NAALAD2: variants seen among roughly 807,000 people sequenced by gnomAD.
NAALAD2 encodes the protein N-acetylated-alpha-linked acidic dipeptidase 2.
NAALAD2 carries 89 observed loss-of-function variants against 95.6 expected under a neutral mutation model. That is an observed-to-expected ratio of 0.93 (90% CI 0.78 to 1.11). The LOEUF (loss-of-function observed/expected upper bound fraction) is 1.11. Among genes scored for constraint, NAALAD2 ranks in the 50% least tolerant of loss-of-function variants. NAALAD2 has a pLI of 0.00. For synonymous variants in NAALAD2, 264 were observed against 294.4 expected, an observed-to-expected ratio of 0.90 and a Z score of 1.06; for missense variants, 894 against 872.4, an observed-to-expected ratio of 1.02 and a Z score of -0.31.
rs1215362951 is a variant in NAALAD2, at chr11:90,150,588, A to AAATCTTCAG, written c.592_600dup (p.Ile198_Arg200dup). 7 of 1,595,308 alleles carry AAATCTTCAG rather than the reference A, an allele frequency of 4.4e-6. No individual in the cohort carries two copies. Among genetic ancestry groups the AAATCTTCAG allele is most frequent in the African/African-American group, 1.3e-5 (1 of 74,364 alleles). Reference sequence around the variant, plus strand: ...AAGATTGTTATTGCAAGATATGGAAAAATCTTCAGAGGAAATAAAGTACAG... The same window carrying AAATCTTCAG: ...AAGATTGTTATTGCAAGATATGGAAAAATCTTCAGAATCTTCAGAGGAAATAAAGTACAG... On this transcript the variant is annotated inframe_insertion, in exon 5 of 19. Coordinates refer to ENST00000534061, the MANE Select transcript of NAALAD2 (RefSeq NM_005467.4).
In NAALAD2 at chr11:90,163,618, G is replaced by A; in HGVS notation, c.1278+1G>A. 1 of 1,613,808 alleles carries A rather than the reference G, an allele frequency of 6.2e-7. No homozygotes were observed. Among genetic ancestry groups the A allele is most frequent in the Non-Finnish European group, 8.5e-7 (1 of 1,179,746 alleles). On this transcript the variant is annotated splice_donor_variant, in intron 11 of 18. Transcript: ENST00000534061. LOFTEE classifies it high-confidence loss of function. Reference sequence around the variant, plus strand: ...TCTGGGTTCCACAGAATGGGCTGAGGTAAATAAGACAAAGAAGGTTCTTAT... The same window carrying A: ...TCTGGGTTCCACAGAATGGGCTGAGATAAATAAGACAAAGAAGGTTCTTAT...
chr11:90,174,515 AT>A (rs1193523474), intron 14 of NAALAD2, among the ~76,000 whole-genome samples: 2 of 152,086 alleles, frequency 1.3e-5, no homozygotes, highest in Non-Finnish European at 2.9e-5. Context: ...TTACATATGT[AT>A]TAGGTGTATT....
intron 7 of NAALAD2, 81 bp from the exon 8 acceptor site, chr11:90,159,158 G>C: frequency 9.4e-7 from 1 of 1,060,386 alleles, no homozygotes; most frequent in Non-Finnish European, 1.5e-6. Flanking sequence ...ATATATGAAT[G>C]AAATATTGTC....
At chr11:90,152,606 T>C (rs1951919770) in intron 6 of NAALAD2, 122 bp downstream of exon 6, 2 of 640,474 alleles carry the variant, frequency 3.1e-6, no homozygotes, top group Non-Finnish European at 4.9e-6. Context: ...TATATCATTT[T>C]GGATTACTGC....
rs372095839 is a variant in NAALAD2 at position 90,191,894 on chromosome 11, C to CTTT, written c.*155_*157dup. 11 of 437,246 alleles carry CTTT rather than the reference C, an allele frequency of 2.5e-5. No individual in the cohort carries two copies. Among genetic ancestry groups the CTTT allele is most frequent in the Admixed American group, 9.3e-5 (2 of 21,414 alleles). 27.1% of individuals were successfully genotyped at this position (437,246 alleles called of 1,614,324 possible). ...GCTTTGGTCTTTTCATCTGCAAAGC[C>CTTT]TTTTTTTTTTGCTCTTTAAAAGTTA... On this transcript the variant is annotated 3_prime_UTR_variant, in exon 19 of 19. Transcript: ENST00000534061.
In NAALAD2 at chr11:90,155,722, A is replaced by AATAC. The variant is rs1407691085; in HGVS notation, c.797-2411_797-2408dup. 2.4e-4 allele frequency among the ~76,000 whole-genome samples: 12 copies of AATAC among 49,192 alleles called. 1 individual carries two copies. The highest frequency in any genetic ancestry group is 3.5e-4 in the Non-Finnish European group (10 of 28,980). 32.3% of individuals were successfully genotyped at this position (49,192 alleles called of 152,430 possible). ...GTATGTATTATTATTGTATGTATGT[A>AATAC]ATACATACATACATATGTATGTATT... On this transcript the variant is annotated intron_variant, in intron 6 of 18. Coordinates refer to ENST00000534061, the MANE Select transcript of NAALAD2 (RefSeq NM_005467.4).
At chr11:90,173,184 T>C (rs1396572404) in intron 13 of NAALAD2, among the ~76,000 whole-genome samples, 1 of 152,040 alleles carries the variant, frequency 6.6e-6, no homozygotes, top group Non-Finnish European at 1.5e-5. Context: ...AATGTATATA[T>C]ATACACACAC....
At chr11:90,149,526 C>T (rs975330645) in intron 4 of NAALAD2, among the ~76,000 whole-genome samples, 4 of 152,146 alleles carry the variant, frequency 2.6e-5, no homozygotes, top group Non-Finnish European at 4.4e-5. Context: ...CCTCTGCCTC[C>T]GAGGTTCAAG....
chr11:90,165,144 A>G (rs967934885), intron 11 of NAALAD2, among the ~76,000 whole-genome samples: 1 of 152,224 alleles, frequency 6.6e-6, no homozygotes, highest in African/African-American at 2.4e-5. Flanking sequence ...TGCAAACAAC[A>G]TAGTCTCATC....
At chr11:90,150,207 G>A (rs1407298057) in intron 4 of NAALAD2, among the ~76,000 whole-genome samples, 2 of 151,148 alleles carry the variant, frequency 1.3e-5, no homozygotes, top group Non-Finnish European at 2.9e-5. Flanking sequence ...GTGAGCCGAG[G>A]GAGTGCTACT....
In NAALAD2 at chr11:90,170,060, A is replaced by G. The variant is rs766931106; in HGVS notation, c.1343-9A>G. 4 of 1,518,540 alleles carry G rather than the reference A, an allele frequency of 2.6e-6. No homozygotes were observed. In the South Asian group the frequency reaches 3.4e-5, roughly 13 times the overall value. The allele number at this position is 1,518,540 out of a possible 1,614,324, so 94.1% of individuals were successfully genotyped here. On this transcript the variant is annotated splice_polypyrimidine_tract_variant and intron_variant, in intron 12 of 18. Transcript: ENST00000534061. ...TGAAATAATACTCTGTGTCTTATTT[A>G]TTTTTCAGGCAATTATACTCTCAGA... is the stretch of plus-strand genomic sequence containing the variant.
At chr11:90,134,883 T>G in intron 1 of NAALAD2, 43 bp downstream of exon 1, 1 of 1,599,932 alleles carries the variant, frequency 6.3e-7, no homozygotes, top group Non-Finnish European at 8.6e-7. Flanking sequence ...GGGCTCGTGA[T>G]TCTCTGCAGA....
At chr11:90,140,402 T>C (rs1380346993) in intron 2 of NAALAD2, among the ~76,000 whole-genome samples, 1 of 152,112 alleles carries the variant, frequency 6.6e-6, no homozygotes, top group Non-Finnish European at 1.5e-5. Context: ...AAACAGTAAA[T>C]GATAAAATAC....
rs964575375 is a variant in NAALAD2, at chr11:90,168,832, T to C, written c.1279-97T>C. 4.0e-6 allele frequency: 4 copies of C among 989,250 alleles called. No individual in the cohort carries two copies. The African/African-American group carries it at 4.9e-5, about 12-fold the overall frequency. 61.3% of individuals were successfully genotyped at this position (989,250 alleles called of 1,614,324 possible). On this transcript the variant is annotated intron_variant, in intron 11 of 18. Coordinates refer to ENST00000534061, the MANE Select transcript of NAALAD2 (RefSeq NM_005467.4). ...CTAGCTATTTAATTGTGAAAGATAC[T>C]TGTAAACCGCTTTTCCACGAAATTA...
intron 12 of NAALAD2, 38 bp downstream of exon 12, chr11:90,169,030 A>G: frequency 6.7e-7 from 1 of 1,481,664 alleles, no homozygotes; most frequent in Non-Finnish European, 9.3e-7. Flanking sequence ...ATTTTCAGAA[A>G]GGAAATTTTA....
rs1289664269 is a variant in NAALAD2, at chr11:90,182,909, C to G, written c.1941-7C>G. ...GCGTTATAATTATGTATATGTTCTT[C>G]TCGAAGTCCCATTGCAGTGAGAATG... On this transcript the variant is annotated splice_polypyrimidine_tract_variant and splice_region_variant and intron_variant, in intron 17 of 18. Transcript: ENST00000534061. The G allele has an allele frequency of 1.3e-6, 2 of 1,595,142 alleles. No individual in the cohort carries two copies. Among genetic ancestry groups the G allele is most frequent in the Admixed American group, 1.7e-5 (1 of 59,882 alleles).
chr11:90,139,519 G>C (rs879044353), intron 2 of NAALAD2, among the ~76,000 whole-genome samples: 2 of 152,176 alleles, frequency 1.3e-5, no homozygotes, highest in Non-Finnish European at 2.9e-5. Context: ...TTTTCTTAAT[G>C]TCATCTGAAG....
intron 13 of NAALAD2, 146 bp downstream of exon 13, chr11:90,170,282 C>T: frequency 1.7e-6 from 1 of 602,042 alleles, no homozygotes; most frequent in Non-Finnish European, 3.0e-6. Context: ...CTTTAATATG[C>T]CATTTACCTA....
intron 8 of NAALAD2, among the ~76,000 whole-genome samples, chr11:90,160,409 A>G (rs181939695): frequency 6.6e-6 from 1 of 152,310 alleles, no homozygotes; most frequent in African/African-American, 2.4e-5. Context: ...TTATTAAATC[A>G]GTCTTCTTTG....
Sources: gnomAD v4.1 joint callset for allele counts (sites outside exome capture counted in the v4.1 genomes callset) on GRCh38, gnomAD v4.1.1 for gene constraint, MANE v1.5 for transcripts, NCBI Gene and HGNC (gene_info 2026-07-23, HGNC 2026-07-21) for gene names.